Variants in GRIK2 observed in about 807,000 individuals in gnomAD.
GRIK2 encodes glutamate ionotropic receptor kainate type subunit 2.
Under a neutral mutation model 100.3 loss-of-function variants are expected in GRIK2, and 32 were observed. The ratio of observed to expected loss-of-function variants is 0.32; its 90% confidence interval spans 0.24 to 0.43. The LOEUF (loss-of-function observed/expected upper bound fraction) is 0.43, where lower values mean the gene tolerates loss of function less well. Ranked by LOEUF, GRIK2 falls within the 20% of genes least tolerant of loss-of-function variation. The probability of loss-of-function intolerance (pLI) is 1.00; values close to 1 mark genes in which losing one functional copy is unlikely to be tolerated. For synonymous variants in GRIK2, 417 were observed against 389.4 expected (o/e 1.07, Z -0.83); for missense variants, 843 against 1,114.9 (o/e 0.76, Z 3.47).
intron 14 of GRIK2, among the ~76,000 whole-genome samples, chr6:101,994,619 A>G (rs1794554079): frequency 6.6e-6 from 1 of 151,824 alleles, no homozygotes; most frequent in South Asian, 2.1e-4. Context: ...TCTAAGATAG[A>G]TAAAGGGGTT....
intron 15 of GRIK2, among the ~76,000 whole-genome samples, chr6:102,041,549 G>A (rs1023432930): frequency 6.6e-6 from 1 of 151,472 alleles, no homozygotes; most frequent in African/African-American, 2.4e-5. Flanking sequence ...CATGTTGCAT[G>A]GAGTCTTTGG....
intron 7 of GRIK2, among the ~76,000 whole-genome samples, chr6:101,770,172 G>C (rs9399728): frequency 0.25 from 37,727 of 152,014 alleles, 6,559 homozygotes; most frequent in East Asian, 0.67. Context: ...TTACTGCCTT[G>C]TTTTTTCTGA....
In GRIK2 at chr6:101,570,302, C is replaced by T. The variant is rs536134789; in HGVS notation, c.116-51647C>T. Among the ~76,000 whole-genome samples the T allele has an allele frequency of 3.9e-5, 6 of 152,178 alleles. No individual in the cohort carries two copies. In the East Asian group the frequency reaches 9.7e-4, roughly 25 times the overall value. ...TGAATATGATAATCTATGTAAATCACTTGAGCCTTCTGGCATTTAATAAAT... is the reference window on the plus strand; with the variant it reads ...TGAATATGATAATCTATGTAAATCATTTGAGCCTTCTGGCATTTAATAAAT... On this transcript the variant is annotated intron_variant, in intron 2 of 16. Transcript: ENST00000369134.
At chr6:101,481,484 G>A (rs1383137557) in intron 2 of GRIK2, among the ~76,000 whole-genome samples, 2 of 151,996 alleles carry the variant, frequency 1.3e-5, no homozygotes, top group African/African-American at 2.4e-5. Context: ...TTCTAAGACA[G>A]CATTAACAAA....
At chr6:101,588,670 A>G (rs933236994) in intron 2 of GRIK2, among the ~76,000 whole-genome samples, 9 of 142,156 alleles carry the variant, frequency 6.3e-5, no homozygotes, top group African/African-American at 2.2e-4. Context: ...ACGCACACGC[A>G]CACACACACA....
chr6:102,011,025 G>C (rs568323164), intron 14 of GRIK2, among the ~76,000 whole-genome samples: 3 of 152,066 alleles, frequency 2.0e-5, no homozygotes, highest in Non-Finnish European at 4.4e-5. Context: ...GTGAACCTAA[G>C]TTTTCAACTC....
chr6:101,840,992 A>G (rs1012514756), intron 10 of GRIK2, among the ~76,000 whole-genome samples: 1 of 134,980 alleles, frequency 7.4e-6, no homozygotes, highest in Non-Finnish European at 1.7e-5. Context: ...AAGGCACTAA[A>G]ATATTTATTT....
intron 4 of GRIK2, among the ~76,000 whole-genome samples, chr6:101,644,018 A>G (rs1180808197): frequency 1.3e-5 from 2 of 151,680 alleles, no homozygotes; most frequent in African/African-American, 4.8e-5. Flanking sequence ...TTTGTCTGAA[A>G]ATTATTTTTT....
At chr6:102,023,632 T>C (rs1383874626) in intron 14 of GRIK2, among the ~76,000 whole-genome samples, 3 of 151,486 alleles carry the variant, frequency 2.0e-5, no homozygotes, top group African/African-American at 7.3e-5. Context: ...CAATTTGAAA[T>C]TGACGTTGTA....
chr6:101,536,235 T>C (rs1690896838), intron 2 of GRIK2, among the ~76,000 whole-genome samples: 1 of 151,744 alleles, frequency 6.6e-6, no homozygotes, highest in Admixed American at 6.6e-5. Context: ...ACTCTATTCA[T>C]GTTGTACGTC....
chr6:101,635,588 A>G (rs911649485), intron 4 of GRIK2, among the ~76,000 whole-genome samples: 4 of 152,114 alleles, frequency 2.6e-5, no homozygotes, highest in Admixed American at 2.0e-4. Context: ...ATGGGAGAAA[A>G]TTTTTGCAAT....
chr6:101,851,829 C>T (rs573128797), intron 10 of GRIK2, among the ~76,000 whole-genome samples: 6 of 149,620 alleles, frequency 4.0e-5, no homozygotes, highest in Non-Finnish European at 8.9e-5. Context: ...GAACTATTTA[C>T]AATTTTATAT....
intron 14 of GRIK2, among the ~76,000 whole-genome samples, chr6:102,025,520 G>C (rs533050317): frequency 6.6e-6 from 1 of 151,282 alleles, no homozygotes; most frequent in African/African-American, 2.4e-5. Context: ...AACATCAAGA[G>C]GAAGTGGAGA....
At chr6:101,734,016 C>T (rs1028633698) in intron 7 of GRIK2, among the ~76,000 whole-genome samples, 5 of 152,180 alleles carry the variant, frequency 3.3e-5, no homozygotes, top group African/African-American at 1.2e-4. Context: ...ATTATCACCA[C>T]TTAATTAATG....
At chr6:101,695,564 A>G (rs964510691) in intron 7 of GRIK2, among the ~76,000 whole-genome samples, 2 of 152,088 alleles carry the variant, frequency 1.3e-5, no homozygotes, top group African/African-American at 2.4e-5. Flanking sequence ...ACATATCTAT[A>G]TCTATTTACT....
At chr6:101,451,920 C>T (rs890891477) in intron 2 of GRIK2, among the ~76,000 whole-genome samples, 1 of 151,594 alleles carries the variant, frequency 6.6e-6, no homozygotes, top group Non-Finnish European at 1.5e-5. Context: ...CACACCTATT[C>T]GAGGGTAAAA....
chr6:101,916,068 C>T (rs1458425369), intron 12 of GRIK2, among the ~76,000 whole-genome samples: 1 of 151,266 alleles, frequency 6.6e-6, no homozygotes, highest in Non-Finnish European at 1.5e-5. Context: ...ATTCAGGTGG[C>T]AATGTTAAAA....
At chr6:101,667,505 AAAT>A (rs776149389) in intron 4 of GRIK2, among the ~76,000 whole-genome samples, 1 of 152,148 alleles carries the variant, frequency 6.6e-6, no homozygotes, top group Non-Finnish European at 1.5e-5. Flanking sequence ...GAAGAGAAAA[AAAT>A]ACAGGATTTT....
intron 16 of GRIK2, among the ~76,000 whole-genome samples, chr6:102,067,990 A>C (rs998833410): frequency 1.3e-4 from 19 of 151,860 alleles, no homozygotes; most frequent in African/African-American, 4.6e-4. Flanking sequence ...GGTTTCTGGT[A>C]TAGAATTGTC....
Sources: gnomAD v4.1 joint callset for allele counts (sites outside exome capture counted in the v4.1 genomes callset) on GRCh38, gnomAD v4.1.1 for gene constraint, MANE v1.5 for transcripts, NCBI Gene and HGNC (gene_info 2026-07-23, HGNC 2026-07-21) for gene names.